Variants in SLC35F5 observed in about 807,000 individuals in gnomAD.
SLC35F5 encodes the protein solute carrier family 35 member F5, also known as HCV NS5A-transactivated protein 3.
A neutral mutation model predicts 68.6 loss-of-function variants in SLC35F5; 54 were observed. That is an observed-to-expected ratio of 0.79 (90% CI 0.63 to 0.99). The LOEUF (loss-of-function observed/expected upper bound fraction) is 0.99, where lower values mean the gene tolerates loss of function less well. SLC35F5 is among the 50% of genes least tolerant of loss of function. The probability of loss-of-function intolerance (pLI) is 0.00; values close to 1 mark genes in which losing one functional copy is unlikely to be tolerated. For missense variants in SLC35F5, 567 were observed against 626.9 expected (o/e 0.90, Z 1.02); for synonymous variants, 211 against 205.2 (o/e 1.03, Z -0.24).
rs750518979 is a variant in SLC35F5, at chr2:113,713,661, T to C, written c.*1557A>G. The C allele has an allele frequency of 7.3e-5, 11 of 150,200 alleles. No homozygotes were observed. The highest frequency in any genetic ancestry group is 1.2e-4 in the Non-Finnish European group (8 of 67,846). The allele number at this position is 150,200 out of a possible 1,614,324, so 9.3% of individuals were successfully genotyped here. Reference sequence around the variant, plus strand: ...CCTGTTGAGCTAAACAGGTCAAAAGTATAATAAACTCAACATTATTTTTAA... The same window carrying C: ...CCTGTTGAGCTAAACAGGTCAAAAGCATAATAAACTCAACATTATTTTTAA... On this transcript the variant is annotated 3_prime_UTR_variant, in exon 16 of 16. Coordinates refer to ENST00000245680, the MANE Select transcript of SLC35F5 (RefSeq NM_025181.5).
chr2:113,737,555 G>A (rs1018770885), intron 7 of SLC35F5, among the ~76,000 whole-genome samples: 1 of 152,176 alleles, frequency 6.6e-6, no homozygotes, highest in Non-Finnish European at 1.5e-5. Context: ...AATGCTCACA[G>A]AGTGATTATT....
rs762525763 is a variant in SLC35F5 at position 113,755,285 on chromosome 2, A to T, written c.153T>A (p.Phe51Leu). 13 of 1,614,090 alleles carry T rather than the reference A, an allele frequency of 8.1e-6. 1 individual carries two copies. In the South Asian group the frequency reaches 1.2e-4, roughly 15 times the overall value. ...TCTGGGAATTCATTCGGTTCATGAC[A>T]AATACACACACCATTTGCAGTCTGT... ...LKTRLQMVCV[F>L]VMNRMNSQNS... Residue 51 changes from phenylalanine (F) to leucine (L), a missense_variant, in exon 3 of 16, where the codon TTT (phenylalanine) becomes TTA (leucine). Transcript: ENST00000245680.
In SLC35F5 at chr2:113,743,401, T is replaced by C. The variant is rs375836013; in HGVS notation, c.562+312A>G. On this transcript the variant is annotated intron_variant, in intron 6 of 15. Coordinates refer to ENST00000245680, the MANE Select transcript of SLC35F5 (RefSeq NM_025181.5). ...CTCTTATAATTTGCTATTAGGCTCT[T>C]TGAGGGCATATTTAAGAGGATATTA... Among the ~76,000 whole-genome samples the C allele has an allele frequency of 2.1e-4, 32 of 152,330 alleles. 1 individual carries two copies. The East Asian group carries it at 5.8e-3, about 28-fold the overall frequency.
chr2:113,706,156 G>A (rs1559296769), downstream of SLC35F5, among the ~76,000 whole-genome samples: 1 of 152,158 alleles, frequency 6.6e-6, no homozygotes, highest in Non-Finnish European at 1.5e-5. Flanking sequence ...TGCTTGACCT[G>A]AGGTCTGCGG....
At chr2:113,747,829 C>T (rs13393247) in intron 4 of SLC35F5, among the ~76,000 whole-genome samples, 21,797 of 152,198 alleles carry the variant, frequency 0.14, 1,692 homozygotes, top group African/African-American at 0.19. Context: ...CAGTGGCTCA[C>T]GCCTGTAATC....
chr2:113,725,332 C>A, intron 12 of SLC35F5, 46 bp downstream of exon 12: 8 of 1,557,280 alleles, frequency 5.1e-6, no homozygotes, highest in Non-Finnish European at 6.9e-6. Context: ...TTAAAATATC[C>A]AAAAATTAAT....
In SLC35F5 at chr2:113,713,777, T is replaced by C. The variant is rs1371289751; in HGVS notation, c.*1441A>G. 1.5e-5 allele frequency: 2 copies of C among 133,048 alleles called. No homozygotes were observed. The highest frequency in any genetic ancestry group is 3.3e-5 in the Non-Finnish European group (2 of 60,700). 8.2% of individuals were successfully genotyped at this position (133,048 alleles called of 1,614,324 possible). A position where few individuals can be genotyped will look rare whatever the true frequency, so the allele number is the denominator to read the frequency against. On this transcript the variant is annotated 3_prime_UTR_variant, in exon 16 of 16. Transcript: ENST00000245680. Reference sequence around the variant, plus strand: ...AAAAAAAAAAAAAAAAAAAGAGAGCTGTTTGTATTTTAAATTTAATATCAT... The same window carrying C: ...AAAAAAAAAAAAAAAAAAAGAGAGCCGTTTGTATTTTAAATTTAATATCAT...
intron 11 of SLC35F5, among the ~76,000 whole-genome samples, chr2:113,728,772 T>C (rs1208412708): frequency 6.6e-6 from 1 of 152,254 alleles, no homozygotes; most frequent in East Asian, 1.9e-4. Context: ...TGAAAGATTA[T>C]CTTGTCAATG....
rs1231351785 is a variant in SLC35F5, at chr2:113,743,761, C to T, written c.514G>A (p.Asp172Asn). 6.2e-7 allele frequency: 1 copy of T among 1,610,838 alleles called. No homozygotes were observed. The highest frequency in any genetic ancestry group is 1.3e-5 in the African/African-American group (1 of 74,846). Residue 172 changes from aspartate to asparagine, a missense_variant, in exon 6 of 16, where the codon GAT (aspartate) becomes AAT (asparagine). Coordinates refer to ENST00000245680, the MANE Select transcript of SLC35F5 (RefSeq NM_025181.5). ...CTCTCAGGTTTTTCACTTGGAAGAT[C>T]ATGGAATTTCACAGGCACATACAGA... The part of the protein sequence containing the change: ...EPLYVPVKFH[D>N]LPSEKPESTN...
Position 113,711,513 on chromosome 2 carries a change from T to TA in SLC35F5, c.*3704dup, listed in dbSNP as rs11298773. The stretch of plus-strand genomic sequence containing the variant: ...GTACAGGCAAATGAGGCTGTTACTA[T>TA]AAAAAAAATGTGGTGTCTAAAAATT... On this transcript the variant is annotated 3_prime_UTR_variant, in exon 16 of 16. Coordinates refer to ENST00000245680, the MANE Select transcript of SLC35F5 (RefSeq NM_025181.5). 2.0e-5 allele frequency among the ~76,000 whole-genome samples: 3 copies of TA among 151,836 alleles called. No individual in the cohort carries two copies. Among genetic ancestry groups the TA allele is most frequent in the African/African-American group, 4.8e-5 (2 of 41,348 alleles).
chr2:113,755,176 C>G lies in SLC35F5; in HGVS notation c.262G>C (p.Glu88Gln). The change falls in exon 3 of 16, where the codon GAA (glutamate) becomes CAA (glutamine). Residue 88 changes from glutamate to glutamine, a missense_variant. Physicochemically the swap from Glu to Gln is conservative, Grantham distance 29 (BLOSUM62 2). Coordinates refer to ENST00000245680, the MANE Select transcript of SLC35F5 (RefSeq NM_025181.5). ...LVDVIWVASS[E>Q]LTSYVFTQYN... ...CCAAAGGTACATACCGAAGTAAGTTCAGAGGAAGCAACCCATATCACATCA... is the reference window on the plus strand; with the variant it reads ...CCAAAGGTACATACCGAAGTAAGTTGAGAGGAAGCAACCCATATCACATCA... 1 of 1,613,840 alleles carries G rather than the reference C, an allele frequency of 6.2e-7. No homozygotes were observed. The highest frequency in any genetic ancestry group is 8.5e-7 in the Non-Finnish European group (1 of 1,179,938).
At chr2:113,755,022 T>G in intron 3 of SLC35F5, 143 bp downstream of exon 3, 1 of 717,742 alleles carries the variant, frequency 1.4e-6, no homozygotes, top group South Asian at 2.9e-5. Context: ...CAAGTGGCAA[T>G]AATTCAACGT....
chr2:113,753,162 G>GTTTTTTTTTTTTTTTT lies in SLC35F5; in HGVS notation c.273+2002_273+2003insAAAAAAAAAAAAAAAA, dbSNP rs143010470. 2.5e-3 allele frequency among the ~76,000 whole-genome samples: 124 copies of GTTTTTTTTTTTTTTTT among 50,516 alleles called. 2 individuals are homozygous for GTTTTTTTTTTTTTTTT. Among genetic ancestry groups the GTTTTTTTTTTTTTTTT allele is most frequent in the South Asian group, 5.2e-3 (7 of 1,346 alleles). The allele number at this position is 50,516 out of a possible 152,430, so 33.1% of individuals were successfully genotyped here. On this transcript the variant is annotated intron_variant, in intron 3 of 15. Transcript: ENST00000245680. The stretch of plus-strand genomic sequence containing the variant: ...AATACACACTTTATCTCCAAAGTTT[G>GTTTTTTTTTTTTTTTT]TTTTTCTTTTTTTTTTTTTTTTTTT...
At chr2:113,748,014 C>G (rs112656455) in intron 4 of SLC35F5, among the ~76,000 whole-genome samples, 223 of 152,130 alleles carry the variant, frequency 1.5e-3, no homozygotes, top group African/African-American at 4.1e-3. Context: ...ATCACTTGAA[C>G]CCAGGAGGTG....
intron 5 of SLC35F5, among the ~76,000 whole-genome samples, chr2:113,745,508 A>G (rs1676449903): frequency 6.6e-6 from 1 of 152,186 alleles, no homozygotes; most frequent in African/African-American, 2.4e-5. Context: ...ACATAGCAAG[A>G]CCATGTTCCT....
chr2:113,723,873 TTA>T (rs1167430395), intron 12 of SLC35F5, among the ~76,000 whole-genome samples: 1 of 152,168 alleles, frequency 6.6e-6, no homozygotes, highest in East Asian at 1.9e-4. Flanking sequence ...AAAGAAAATA[TTA>T]TACCCAATGG....
intron 14 of SLC35F5, among the ~76,000 whole-genome samples, chr2:113,718,891 AAGAAAGAAAG>A (rs1687293806): frequency 1.8e-5 from 1 of 57,008 alleles, no homozygotes; most frequent in Admixed American, 1.5e-4. Flanking sequence ...GAAAGAAAGA[AAGAAAGAAAG>A]AAAGAAAGAA....
chr2:113,753,158 G>GTTTTTTTTTTTTTTTTTT (rs1264386762), intron 3 of SLC35F5, among the ~76,000 whole-genome samples: 5 of 69,204 alleles, frequency 7.2e-5, no homozygotes, highest in Admixed American at 1.4e-4. Flanking sequence ...TATCTCCAAA[G>GTTTTTTTTTTTTTTTTTT]TTTGTTTTTC....
chr2:113,706,009 C>T (rs1334149910), downstream of SLC35F5, among the ~76,000 whole-genome samples: 3 of 152,172 alleles, frequency 2.0e-5, no homozygotes, highest in Non-Finnish European at 4.4e-5. Flanking sequence ...CTGGAGTGGA[C>T]TTGACATGGA....
Sources: allele counts gnomAD v4.1 joint callset (sites outside exome capture counted in the v4.1 genomes callset), GRCh38; gene constraint gnomAD v4.1.1; transcripts MANE v1.5; gene names NCBI Gene and HGNC (gene_info 2026-07-23, HGNC 2026-07-21).